CLVS1: variants seen among roughly 807,000 people sequenced by gnomAD.
CLVS1 encodes the protein clavesin-1.
CLVS1 carries 10 observed loss-of-function variants against 33.1 expected under a neutral mutation model. The ratio of observed to expected loss-of-function variants is 0.30; its 90% CI spans 0.19 to 0.51. CLVS1 has a LOEUF of 0.51. Among genes scored for constraint, CLVS1 ranks in the 20% least tolerant of loss-of-function variants. The pLI is 0.97. For synonymous variants in CLVS1, 163 were observed against 166.1 expected, an observed-to-expected ratio of 0.98 and a Z score of 0.14; for missense variants, 343 against 433.4, an observed-to-expected ratio of 0.79 and a Z score of 1.85.
chr8:61,224,635 G>A (rs144753557), intron 2 of CLVS1, among the ~76,000 whole-genome samples: 1 of 152,142 alleles, frequency 6.6e-6, no homozygotes, highest in African/African-American at 2.4e-5. Context: ...CCTGTTGGGG[G>A]GTCTCACCCC....
the CLVS1 span, among the ~76,000 whole-genome samples, chr8:61,051,682 T>A: frequency 6.6e-6 from 1 of 152,268 alleles, no homozygotes; most frequent in Non-Finnish European, 1.5e-5. Flanking sequence ...GTGGCTGAGC[T>A]GACTGGGTGT....
At chr8:61,108,500 C>T (rs1192270820) in intron 1 of CLVS1, among the ~76,000 whole-genome samples, 3 of 152,098 alleles carry the variant, frequency 2.0e-5, no homozygotes, top group African/African-American at 7.2e-5. Flanking sequence ...TATGTATATA[C>T]ACCCTGAGAT....
the CLVS1 span, among the ~76,000 whole-genome samples, chr8:60,997,058 T>G: frequency 6.6e-6 from 1 of 152,178 alleles, no homozygotes; most frequent in Non-Finnish European, 1.5e-5. Context: ...AATAGAGGTT[T>G]AAAATAAAAA....
At chr8:61,224,645 C>T (rs987254607) in intron 2 of CLVS1, among the ~76,000 whole-genome samples, 5 of 152,236 alleles carry the variant, frequency 3.3e-5, no homozygotes, top group African/African-American at 4.8e-5. Flanking sequence ...GGTCTCACCC[C>T]GTTGGGTGGC....
chr8:61,266,528 C>T (rs914778141), intron 2 of CLVS1, among the ~76,000 whole-genome samples: 1 of 152,126 alleles, frequency 6.6e-6, no homozygotes. Flanking sequence ...ATCATGCCAC[C>T]CTTTCATCCT....
At chr8:61,295,762 G>C (rs912742227) in intron 1 of CLVS1, among the ~76,000 whole-genome samples, 1 of 151,942 alleles carries the variant, frequency 6.6e-6, no homozygotes, top group Non-Finnish European at 1.5e-5. Flanking sequence ...GTGTAATTTG[G>C]GGCAATCATT....
intron 2 of CLVS1, among the ~76,000 whole-genome samples, chr8:61,190,082 AC>A (rs1209652551): frequency 6.6e-6 from 1 of 152,182 alleles, no homozygotes; most frequent in African/African-American, 2.4e-5. Flanking sequence ...TCTTCTCAGC[AC>A]CACATTGCAC....
rs369924001 is a variant in CLVS1, at chr8:61,091,999, C to A, written c.-243+34769C>A. Among the ~76,000 whole-genome samples the A allele has an allele frequency of 2.6e-5, 4 of 152,100 alleles. No homozygotes were observed. The East Asian group carries it at 5.8e-4, about 22-fold the overall frequency. On this transcript the variant is annotated intron_variant, in intron 1 of 2. Coordinates refer to the CLVS1 transcript ENST00000522621. The stretch of plus-strand genomic sequence containing the variant: ...AGTTAAGAAATTTTTTGGTCTTCAT[C>A]CTCATGTTTACTTTCTTCTTTTGAT...
chr8:61,380,849 C>T (rs1172723359), intron 3 of CLVS1, among the ~76,000 whole-genome samples: 2 of 152,108 alleles, frequency 1.3e-5, no homozygotes, highest in Non-Finnish European at 2.9e-5. Flanking sequence ...CCAGTGATTA[C>T]AATCAATGTA....
the CLVS1 span, among the ~76,000 whole-genome samples, chr8:61,038,289 G>A: frequency 1.3e-5 from 2 of 152,034 alleles, no homozygotes; most frequent in African/African-American, 2.4e-5. Flanking sequence ...TAGGGTCTGG[G>A]TCCCCAGGGA....
chr8:61,417,545 C>T (rs1354964876), intron 3 of CLVS1, among the ~76,000 whole-genome samples: 1 of 152,108 alleles, frequency 6.6e-6, no homozygotes, highest in Non-Finnish European at 1.5e-5. Context: ...GATGTCACCA[C>T]TATAAAATCA....
intron 2 of CLVS1, among the ~76,000 whole-genome samples, chr8:61,356,261 G>A (rs1245891666): frequency 6.6e-6 from 1 of 152,028 alleles, no homozygotes; most frequent in Non-Finnish European, 1.5e-5. Flanking sequence ...TGATGGGGTT[G>A]TTTGTTTTTT....
the CLVS1 span, among the ~76,000 whole-genome samples, chr8:60,995,346 G>A: frequency 6.6e-6 from 1 of 151,986 alleles, no homozygotes; most frequent in Non-Finnish European, 1.5e-5. Flanking sequence ...CAAAAAGTGG[G>A]CGAAGGACAT....
intron 2 of CLVS1, among the ~76,000 whole-genome samples, chr8:61,359,158 C>T (rs376680280): frequency 6.6e-6 from 1 of 152,158 alleles, no homozygotes; most frequent in African/African-American, 2.4e-5. Context: ...AAGCCCTCAT[C>T]ATTCACAGAA....
chr8:61,455,067 AT>A (rs1817096443), intron 4 of CLVS1, among the ~76,000 whole-genome samples: 1 of 151,982 alleles, frequency 6.6e-6, no homozygotes, highest in Non-Finnish European at 1.5e-5. Context: ...TGACAACTAA[AT>A]ATTGGATATA....
At chr8:61,414,029 C>T (rs760666280) in intron 3 of CLVS1, among the ~76,000 whole-genome samples, 1 of 152,162 alleles carries the variant, frequency 6.6e-6, no homozygotes, top group Non-Finnish European at 1.5e-5. Flanking sequence ...AGGACCTAGA[C>T]AATCAACAGA....
the CLVS1 span, among the ~76,000 whole-genome samples, chr8:60,965,042 T>G: frequency 6.6e-6 from 1 of 151,422 alleles, no homozygotes; most frequent in African/African-American, 2.4e-5. Flanking sequence ...TTTCTTTTTC[T>G]TTTTTTTTGA....
chr8:61,059,347 G>A (rs1434864309), intron 1 of CLVS1, among the ~76,000 whole-genome samples: 2 of 151,072 alleles, frequency 1.3e-5, no homozygotes, highest in African/African-American at 2.4e-5. Flanking sequence ...CTTGGTATAA[G>A]TTCAAATCTG....
At position 61,426,479 on chromosome 8, in the gene CLVS1, C is replaced by T. The variant is rs10089170; in HGVS notation, c.631-27662C>T. 9.8e-3 allele frequency among the ~76,000 whole-genome samples: 1,498 copies of T among 152,336 alleles called. 31 individuals are homozygous for T. The highest frequency in any genetic ancestry group is 0.034 in the African/African-American group (1,400 of 41,572). The stretch of plus-strand genomic sequence containing the variant: ...ACACTGTCACCTCGTAGTGTGTCTT[C>T]ATGCCATTTATGTATGACGATTGAT... On this transcript the variant is annotated intron_variant, in intron 3 of 5. Coordinates refer to ENST00000325897, the MANE Select transcript of CLVS1 (RefSeq NM_173519.3).
Sources: gnomAD v4.1 joint callset for allele counts (sites outside exome capture counted in the v4.1 genomes callset) on GRCh38, gnomAD v4.1.1 for gene constraint, MANE v1.5 for transcripts, NCBI Gene and HGNC (gene_info 2026-07-23, HGNC 2026-07-21) for gene names.